Variants in IFRD2 observed in about 807,000 individuals in gnomAD.
IFRD2 encodes interferon related developmental regulator 2.
A neutral mutation model predicts 49.2 loss-of-function variants in IFRD2; 35 were observed. That is an observed-to-expected ratio of 0.71 (90% CI 0.54 to 0.94). IFRD2 has a LOEUF of 0.94. Among genes scored for constraint, IFRD2 ranks in the 40% least tolerant of loss-of-function variants. IFRD2 has a pLI of 0.00. For missense variants in IFRD2, 561 were observed against 591.6 expected (o/e 0.95, Z 0.54); for synonymous variants, 275 against 239.7 (o/e 1.15, Z -1.36).
intron 1 of IFRD2, 106 bp downstream of exon 1, chr3:50,292,110 TG>T: frequency 8.2e-7 from 1 of 1,221,032 alleles, no homozygotes; most frequent in Non-Finnish European, 1.1e-6. Context: ...TGCGTGGGGC[TG>T]GCCGAGGGGG....
intron 6 of IFRD2, 26 bp from the exon 7 acceptor site, chr3:50,289,654 C>G: frequency 6.3e-7 from 1 of 1,595,796 alleles, no homozygotes; most frequent in South Asian, 1.1e-5. Context: ...GGCAGGGGAG[C>G]TCAGAGGCAG....
rs1701693508 is a variant in IFRD2 at position 50,292,282 on chromosome 3, A to T, written c.-8T>A. 1 of 1,553,548 alleles carries T rather than the reference A, an allele frequency of 6.4e-7. No individual in the cohort carries two copies. Among genetic ancestry groups the T allele is most frequent in the South Asian group, 1.2e-5 (1 of 83,230 alleles). On this transcript the variant is annotated 5_prime_UTR_variant, in exon 1 of 12. Coordinates refer to ENST00000417626, the MANE Select transcript of IFRD2 (RefSeq NM_006764.5). ...CTTACGGGCGCGAGGCATGCCGGGA[A>T]CCGGGCGCGGGGGGCGCGGGGTCAG...
rs374063368 is a variant in IFRD2, at chr3:50,290,621, C to T, written c.117G>A (p.Glu39=). 2 of 1,613,872 alleles carry T rather than the reference C, an allele frequency of 1.2e-6. No individual in the cohort carries two copies. The highest frequency in any genetic ancestry group is 2.7e-5 in the African/African-American group (2 of 74,922). ...SGSSDDEAAS[E]ARSTASECPS... is the part of the protein sequence containing the mutation. The stretch of plus-strand genomic sequence containing the variant: ...GGCATTCACTGGCGGTGCTGCGGGC[C>T]TCACTGGCTGCCTCATCGTCACTGG... Residue 39 remains glutamate (E), a synonymous_variant, in exon 2 of 12, where the codon GAG becomes GAA. Transcript: ENST00000417626.
In IFRD2 at chr3:50,288,720, T is replaced by C; in HGVS notation, c.1024-9A>G. On this transcript the variant is annotated splice_polypyrimidine_tract_variant and intron_variant, in intron 9 of 11. Transcript: ENST00000417626. ...TCTTCGCATTCACCGCCCTGCAGGG[T>C]AGAGGTGCCAACACAACTGGGCTTG... 1 of 1,612,964 alleles carries C rather than the reference T, an allele frequency of 6.2e-7. No individual in the cohort carries two copies. Among genetic ancestry groups the C allele is most frequent in the South Asian group, 1.1e-5 (1 of 90,954 alleles).
chr3:50,290,257 G>A lies in IFRD2; in HGVS notation c.301C>T (p.Leu101=). ...TRQGALESLR[L]ALASRLLPDF... ...GGGAGTAGGCGGGACGCTAGGGCCA[G>A]GCGCAGGCTCTCAAGAGCACCCTGC... is the stretch of plus-strand genomic sequence containing the variant. Residue 101 remains leucine, a synonymous_variant, in exon 4 of 12, where the codon CTG becomes TTG. Transcript: ENST00000417626. 1 of 1,612,814 alleles carries A rather than the reference G, an allele frequency of 6.2e-7. No homozygotes were observed. The highest frequency in any genetic ancestry group is 2.2e-5 in the East Asian group (1 of 44,856).
chr3:50,289,373 C>T lies in IFRD2; in HGVS notation c.780-13G>A, dbSNP rs1701625336. 3 of 1,587,132 alleles carry T rather than the reference C, an allele frequency of 1.9e-6. No homozygotes were observed. The highest frequency in any genetic ancestry group is 2.3e-5 in the East Asian group (1 of 43,406). The stretch of plus-strand genomic sequence containing the variant: ...CCGGGGCAGCTGCCTAGGGAAGGGG[C>T]AGGCTGAGCTATATGTGTGGCTTGG... On this transcript the variant is annotated splice_polypyrimidine_tract_variant and intron_variant, in intron 7 of 11. Transcript: ENST00000417626.
intron 10 of IFRD2, 35 bp from the exon 11 acceptor site, chr3:50,288,539 T>C: frequency 6.2e-7 from 1 of 1,613,970 alleles, no homozygotes; most frequent in Non-Finnish European, 8.5e-7. Flanking sequence ...CAGGCCAGAC[T>C]GAAGCAACCA....
Position 50,289,441 on chromosome 3 carries a change from C to G in IFRD2, c.779+6G>C. On this transcript the variant is annotated splice_donor_region_variant and intron_variant, in intron 7 of 11. Transcript: ENST00000417626. ...CCTCCCCCTCCCAGTGGACAGCCAC[C>G]CCTACCTGTCAAGGATGTGGCTGAT... is the stretch of plus-strand genomic sequence containing the variant. 2 of 1,572,044 alleles carry G rather than the reference C, an allele frequency of 1.3e-6. No homozygotes were observed. The highest frequency in any genetic ancestry group is 1.7e-6 in the Non-Finnish European group (2 of 1,158,676).
Position 50,288,893 on chromosome 3 carries a change from C to T in IFRD2, c.930G>A (p.Leu310=). ...YEDMEALCSV[L]RTLATDSNKY... ...TGTTACTGTCAGTGGCCAGAGTGCG[C>T]AGGACACTGCAGAGGGCCTCCATGT... The change falls in exon 9 of 12, where the codon CTG becomes CTA. Residue 310 remains leucine (L), a synonymous_variant. Coordinates refer to ENST00000417626, the MANE Select transcript of IFRD2 (RefSeq NM_006764.5). 12 of 1,613,340 alleles carry T rather than the reference C, an allele frequency of 7.4e-6. No individual in the cohort carries two copies. The highest frequency in any genetic ancestry group is 1.0e-5 in the Non-Finnish European group (12 of 1,179,582).
In IFRD2 at chr3:50,290,466, T is replaced by TC. The variant is rs782027045; in HGVS notation, c.184dup (p.Asp62GlyfsTer5). On this transcript the variant is annotated frameshift_variant, in exon 3 of 12. Transcript: ENST00000417626. LOFTEE classifies it high-confidence loss of function. ...CTGCTGGCCCTGCTCATCCACGACA[T>TC]CCCCCCCTGCAAGGCCACCTGGTCA... The TC allele has an allele frequency of 5.6e-5, 89 of 1,577,352 alleles. No homozygotes were observed. The highest frequency in any genetic ancestry group is 1.7e-4 in the Middle Eastern group (1 of 6,054).
Position 50,290,634 on chromosome 3 carries a change from T to G in IFRD2, c.104A>C (p.Glu35Ala), listed in dbSNP as rs1395141462. 6.2e-7 allele frequency: 1 copy of G among 1,613,826 alleles called. No individual in the cohort carries two copies. Residue 35 changes from glutamate (E) to alanine (A), a missense_variant, in exon 2 of 12, where the codon GAG becomes GCG. Glu to Ala is a moderately radical substitution (Grantham distance 107, BLOSUM62 -1). Coordinates refer to ENST00000417626, the MANE Select transcript of IFRD2 (RefSeq NM_006764.5). ...GGTGCTGCGGGCCTCACTGGCTGCC[T>G]CATCGTCACTGGAACCCGAGTCAGC... The part of the protein sequence containing the change: ...AQADSGSSDD[E>A]AASEARSTAS...
At chr3:50,290,317 G>T in intron 3 of IFRD2, 23 bp from the exon 4 acceptor site, 2 of 1,607,452 alleles carry the variant, frequency 1.2e-6, no homozygotes, top group South Asian at 2.2e-5. Context: ...GAGAAGGGGG[G>T]TCATATGGGC....
At chr3:50,289,877 CTGCTGAGGGA>C in intron 5 of IFRD2, 42 bp downstream of exon 5, 1 of 1,607,468 alleles carries the variant, frequency 6.2e-7, no homozygotes, top group Non-Finnish European at 8.5e-7. Context: ...ACCCACCACT[CTGCTGAGGGA>C]TAAGGTGCAG....
rs370371774 is a variant in IFRD2, at chr3:50,290,466, T to G, written c.185A>C (p.Asp62Ala). The change falls in exon 3 of 12, where the codon GAT (aspartate) becomes GCT (alanine). Residue 62 changes from aspartate to alanine, a missense_variant. Transcript: ENST00000417626. ...CTGCTGGCCCTGCTCATCCACGACA[T>G]CCCCCCCTGCAAGGCCACCTGGTCA... The part of the protein sequence containing the change: ...STTAEDSLGG[D>A]VVDEQGQQED... 1.3e-6 allele frequency: 2 copies of G among 1,577,498 alleles called. No homozygotes were observed. The highest frequency in any genetic ancestry group is 8.6e-7 in the Non-Finnish European group (1 of 1,160,680).
At chr3:50,289,804 A>G (rs369658555) in intron 5 of IFRD2, 42 bp from the exon 6 acceptor site, 117 of 1,588,634 alleles carry the variant, frequency 7.4e-5, no homozygotes, top group Non-Finnish European at 8.2e-5. Context: ...TCAGCGGGTG[A>G]ACCTGGGTTC....
rs782165566 is a variant in IFRD2, at chr3:50,288,701, C to T, written c.1034G>A (p.Cys345Tyr). The change falls in exon 10 of 12, where the codon TGC becomes TAC. Residue 345 changes from cysteine (C) to tyrosine (Y), a missense_variant. Transcript: ENST00000417626. ...AVLHSVEGGECEEEIVRFGFE... is the reference protein window; with the variant it reads ...AVLHSVEGGEYEEEIVRFGFE... ...GCCGAAGCGCACTATCTCTTCTTCG[C>T]ATTCACCGCCCTGCAGGGTAGAGGT... The T allele has an allele frequency of 2.5e-6, 4 of 1,613,516 alleles. No homozygotes were observed. The highest frequency in any genetic ancestry group is 3.4e-6 in the Non-Finnish European group (4 of 1,179,724).
At chr3:50,290,539 C>A in intron 2 of IFRD2, 21 bp downstream of exon 2, 1 of 1,612,452 alleles carries the variant, frequency 6.2e-7, no homozygotes, top group Non-Finnish European at 8.5e-7. Context: ...AAGCCCCTGT[C>A]AAACTTCCAC....
Position 50,292,345 on chromosome 3 carries a change from C to T in IFRD2, c.-71G>A, listed in dbSNP as rs1218435696. 1.3e-6 allele frequency: 2 copies of T among 1,565,708 alleles called. No homozygotes were observed. Among genetic ancestry groups the T allele is most frequent in the Non-Finnish European group, 1.7e-6 (2 of 1,159,370 alleles). On this transcript the variant is annotated 5_prime_UTR_variant, in exon 1 of 12. Coordinates refer to ENST00000417626, the MANE Select transcript of IFRD2 (RefSeq NM_006764.5). ...TGTGGGCTCCAGGCCAACGAGACGC[C>T]GGCCGGTGCGCTGCGCTGAGACTTG...
intron 2 of IFRD2, 26 bp from the exon 3 acceptor site, chr3:50,290,498 C>T (rs1323931655): frequency 1.3e-6 from 2 of 1,592,984 alleles, no homozygotes; most frequent in Admixed American, 3.5e-5. Context: ...GTCAGCACCG[C>T]TTCTTGTCCT....
Sources: allele counts gnomAD v4.1 joint callset, GRCh38; gene constraint gnomAD v4.1.1; transcripts MANE v1.5; gene names NCBI Gene and HGNC (gene_info 2026-07-23, HGNC 2026-07-21).